The following ANKRD6 variants were observed in gnomAD, a reference collection of about 807,000 sequenced individuals.
ANKRD6 encodes ankyrin repeat domain 6, also known as ankyrin repeat domain-containing protein 6.
ANKRD6 carries 56 observed loss-of-function variants against 82.3 expected under a neutral mutation model. The ratio of observed to expected loss-of-function variants is 0.68; its 90% confidence interval spans 0.55 to 0.85. The LOEUF (loss-of-function observed/expected upper bound fraction) is 0.85. ANKRD6 is among the 40% of genes least tolerant of loss of function. The pLI, the probability that ANKRD6 is intolerant of heterozygous loss-of-function variation, is 0.00. For missense variants in ANKRD6, 852 were observed against 907.6 expected (o/e 0.94, Z 0.79); for synonymous variants, 347 against 352.1 (o/e 0.99, Z 0.16).
chr6:89,500,130 T>C (rs976230714), intron 1 of ANKRD6, among the ~76,000 whole-genome samples: 4 of 151,040 alleles, frequency 2.6e-5, no homozygotes, highest in Non-Finnish European at 4.4e-5. Context: ...TTGCTCCAGT[T>C]GATGACCTTG....
chr6:89,523,395 C>T (rs1782102746), intron 1 of ANKRD6, among the ~76,000 whole-genome samples: 1 of 152,114 alleles, frequency 6.6e-6, no homozygotes, highest in Non-Finnish European at 1.5e-5. Flanking sequence ...AAGGCTTTTT[C>T]TGTTATTGGT....
At chr6:89,447,622 C>T (rs1488923261) in intron 1 of ANKRD6, among the ~76,000 whole-genome samples, 2 of 152,206 alleles carry the variant, frequency 1.3e-5, no homozygotes, top group Non-Finnish European at 1.5e-5. Context: ...GCTACACTGA[C>T]GAATAGATTT....
At chr6:89,628,551 C>T (rs566729850) in intron 14 of ANKRD6, among the ~76,000 whole-genome samples, 9 of 152,236 alleles carry the variant, frequency 5.9e-5, no homozygotes, top group Non-Finnish European at 1.0e-4. Flanking sequence ...GGGCGGATCA[C>T]GAGGTCAGGA....
At chr6:89,618,334 TC>T in intron 9 of ANKRD6, 1 of 620,782 alleles carries the variant, frequency 1.6e-6, no homozygotes, top group Non-Finnish European at 2.9e-6. Context: ...GTTTAAGACA[TC>T]GCAGGACAGG....
intron 1 of ANKRD6, among the ~76,000 whole-genome samples, chr6:89,464,453 G>T (rs986088116): frequency 6.6e-6 from 1 of 152,126 alleles, no homozygotes; most frequent in Non-Finnish European, 1.5e-5. Context: ...TGCCCTAGGT[G>T]GTTCACAGTG....
intron 1 of ANKRD6, among the ~76,000 whole-genome samples, chr6:89,437,593 G>A (rs1028679945): frequency 1.3e-5 from 2 of 152,078 alleles, no homozygotes; most frequent in African/African-American, 4.8e-5. Flanking sequence ...CTGCTTTGGG[G>A]GAGGCAAATT....
chr6:89,616,699 C>T, intron 8 of ANKRD6, 42 bp downstream of exon 8: 2 of 1,586,364 alleles, frequency 1.3e-6, no homozygotes, highest in Non-Finnish European at 1.7e-6. Flanking sequence ...TGGTTCCCAC[C>T]CCTTTCCAGA....
At chr6:89,477,890 TC>T (rs1378773200) in intron 1 of ANKRD6, among the ~76,000 whole-genome samples, 1 of 152,050 alleles carries the variant, frequency 6.6e-6, no homozygotes, top group Non-Finnish European at 1.5e-5. Context: ...ACCCACCCTT[TC>T]CCCCTATTAA....
At chr6:89,438,417 A>G (rs1447983096) in intron 1 of ANKRD6, among the ~76,000 whole-genome samples, 1 of 152,190 alleles carries the variant, frequency 6.6e-6, no homozygotes, top group Non-Finnish European at 1.5e-5. Flanking sequence ...AGCAAGGGAA[A>G]CACATCACTT....
In ANKRD6 at chr6:89,534,582, A is replaced by T. The variant is rs531108320; in HGVS notation, c.-143-32252A>T. 3.3e-5 allele frequency among the ~76,000 whole-genome samples: 5 copies of T among 152,196 alleles called. No individual in the cohort carries two copies. The South Asian group carries it at 8.3e-4, about 25-fold the overall frequency. On this transcript the variant is annotated intron_variant, in intron 1 of 15. Coordinates refer to ENST00000339746, the MANE Select transcript of ANKRD6 (RefSeq NM_001242809.2). ...TTCAGATTCTGTTTTTACTTTCTTGATTAGACCTCTCCTATCTACTCATCC... is the reference window on the plus strand; with the variant it reads ...TTCAGATTCTGTTTTTACTTTCTTGTTTAGACCTCTCCTATCTACTCATCC...
At chr6:89,546,483 AG>A (rs1486900028) in intron 1 of ANKRD6, among the ~76,000 whole-genome samples, 1 of 151,952 alleles carries the variant, frequency 6.6e-6, no homozygotes, top group Non-Finnish European at 1.5e-5. Context: ...ATTGATTTTG[AG>A]ATGGAGTCTC....
At chr6:89,605,958 G>A in intron 4 of ANKRD6, 49 bp from the exon 5 acceptor site, 6 of 1,375,050 alleles carry the variant, frequency 4.4e-6, no homozygotes, top group Non-Finnish European at 6.0e-6. Flanking sequence ...ATAATGAGAA[G>A]AATTAGGTCT....
intron 3 of ANKRD6, among the ~76,000 whole-genome samples, chr6:89,598,689 G>T (rs552709149): frequency 6.6e-6 from 1 of 152,334 alleles, no homozygotes; most frequent in Non-Finnish European, 1.5e-5. Flanking sequence ...AAAACTGAGA[G>T]CTGGCAGTTC....
At chr6:89,607,682 ATCTCGT>A (rs1420782468) in intron 5 of ANKRD6, among the ~76,000 whole-genome samples, 25 of 149,604 alleles carry the variant, frequency 1.7e-4, no homozygotes, top group African/African-American at 5.4e-4. Flanking sequence ...TGGATACAGA[ATCTCGT>A]TCTGTCACCC....
chr6:89,449,488 C>G (rs1399621951), intron 1 of ANKRD6, among the ~76,000 whole-genome samples: 3 of 152,170 alleles, frequency 2.0e-5, no homozygotes, highest in Non-Finnish European at 4.4e-5. Flanking sequence ...AAACTAGAGC[C>G]AGGAGAGCAT....
Position 89,624,090 on chromosome 6 carries a change from A to G in ANKRD6, c.1218+33A>G, listed in dbSNP as rs56088943. 0.044 allele frequency: 69,178 copies of G among 1,572,752 alleles called. 2,262 individuals carry two copies. Among genetic ancestry groups the G allele is most frequent in the South Asian group, 0.13 (11,030 of 85,788 alleles). On this transcript the variant is annotated intron_variant, in intron 12 of 15. Transcript: ENST00000339746. The stretch of plus-strand genomic sequence containing the variant: ...CAAAGCAGTGTCAGGAGAAGGGAAC[A>G]TAGGCCTTCAGCAAGGGTTTTTGTT...
intron 1 of ANKRD6, among the ~76,000 whole-genome samples, chr6:89,518,467 A>G (rs1781496206): frequency 1.3e-5 from 2 of 152,142 alleles, no homozygotes; most frequent in Non-Finnish European, 2.9e-5. Flanking sequence ...AAAGGAATGA[A>G]CACGAGTCCA....
At chr6:89,600,396 A>G (rs1796856965) in intron 3 of ANKRD6, among the ~76,000 whole-genome samples, 1 of 152,236 alleles carries the variant, frequency 6.6e-6, no homozygotes, top group Admixed American at 6.5e-5. Flanking sequence ...TTGTACAGCA[A>G]GAGTGGCTAA....
At chr6:89,478,883 A>T (rs1776423729) in intron 1 of ANKRD6, among the ~76,000 whole-genome samples, 3 of 152,092 alleles carry the variant, frequency 2.0e-5, no homozygotes, top group African/African-American at 7.2e-5. Context: ...AGCTAAGAAG[A>T]GGGGCCTGAA....
Sources: gnomAD v4.1 joint callset for allele counts (sites outside exome capture counted in the v4.1 genomes callset) on GRCh38, gnomAD v4.1.1 for gene constraint, MANE v1.5 for transcripts, NCBI Gene and HGNC (gene_info 2026-07-23, HGNC 2026-07-21) for gene names.